NLRP12: variants seen among roughly 807,000 people sequenced by gnomAD.
NLRP12 encodes the protein NACHT, LRR and PYD domains-containing protein 12.
NLRP12 carries 108 observed loss-of-function variants against 91.2 expected under a neutral mutation model. The observed-to-expected ratio is 1.18, with a 90% CI of 1.01 to 1.39. The LOEUF (loss-of-function observed/expected upper bound fraction) is 1.39, where lower values mean the gene tolerates loss of function less well. Ranked by LOEUF, NLRP12 falls within the 40% of genes most tolerant of loss-of-function variation. The pLI is 0.00. For missense variants in NLRP12, 1,530 were observed against 1,352.7 expected (o/e 1.13, Z -2.06); for synonymous variants, 613 against 566.7 (o/e 1.08, Z -1.16).
At chr19:53,794,705 T>G (rs186755180) in intron 9 of NLRP12, among the ~76,000 whole-genome samples, 66 of 149,484 alleles carry the variant, frequency 4.4e-4, no homozygotes, top group Middle Eastern at 7.2e-3. Flanking sequence ...CTTGCTCTGT[T>G]GCCCAGGCTA....
intron 3 of NLRP12, chr19:53,807,949 C>T (rs566882728): frequency 2.4e-4 from 99 of 404,456 alleles, no homozygotes; most frequent in African/African-American, 1.9e-3. Flanking sequence ...GGGGTTTCAC[C>T]GTGTTGGCCA....
chr19:53,815,251 C>G (rs1201229313), intron 1 of NLRP12, among the ~76,000 whole-genome samples: 3 of 82,290 alleles, frequency 3.6e-5, no homozygotes, highest in Non-Finnish European at 7.0e-5. Context: ...TTTTTTGAGA[C>G]GGAGTCTTGC....
chr19:53,809,775 C>A lies in NLRP12; in HGVS notation c.1884G>T (p.Gln628His), dbSNP rs745947638. The A allele has an allele frequency of 3.1e-6, 5 of 1,613,984 alleles. No individual in the cohort carries two copies. The highest frequency in any genetic ancestry group is 4.2e-6 in the Non-Finnish European group (5 of 1,180,040). The change falls in exon 3 of 10, where the codon CAG becomes CAT. Residue 628 changes from glutamine to histidine, a missense_variant. Physicochemically the swap from Gln to His is conservative, Grantham distance 24 (BLOSUM62 0). Transcript: ENST00000324134. ...YEIQEEEFIQQALSHFQVIVV... is the reference protein window; with the variant it reads ...YEIQEEEFIQHALSHFQVIVV... ...CGATCACCTGGAAGTGGCTCAGGGC[C>A]TGCTGGATAAACTCCTCCTCCTGGA...
chr19:53,801,929 C>T (rs769296751), intron 6 of NLRP12, among the ~76,000 whole-genome samples: 4 of 151,800 alleles, frequency 2.6e-5, no homozygotes, highest in Non-Finnish European at 4.4e-5. Context: ...CCCCTCTCTA[C>T]TAATAATACA....
At chr19:53,819,451 ATATATATGTGTG>A (rs1237334274) in intron 1 of NLRP12, among the ~76,000 whole-genome samples, 2 of 10,728 alleles carry the variant, frequency 1.9e-4, no homozygotes, top group Non-Finnish European at 4.4e-4. Flanking sequence ...ATATATATAT[ATATATATGTGTG>A]TGTGTGTGTG....
chr19:53,802,144 T>G (rs148800371), intron 6 of NLRP12, among the ~76,000 whole-genome samples: 28,720 of 151,336 alleles, frequency 0.19, 2,828 homozygotes, highest in East Asian at 0.28. Flanking sequence ...GGAGAATCAC[T>G]TGAACCCAGG....
At chr19:53,817,127 T>G (rs566693032) in intron 1 of NLRP12, among the ~76,000 whole-genome samples, 1 of 150,654 alleles carries the variant, frequency 6.6e-6, no homozygotes, top group East Asian at 2.1e-4. Flanking sequence ...CCGTCTCTAC[T>G]AAAAATACAA....
chr19:53,809,760 G>T lies in NLRP12; in HGVS notation c.1899C>A (p.Phe633Leu). 1 of 1,614,154 alleles carries T rather than the reference G, an allele frequency of 6.2e-7. No individual in the cohort carries two copies. The highest frequency in any genetic ancestry group is 1.1e-5 in the South Asian group (1 of 91,090). ...CAATGTTGCTGACCACGATCACCTG[G>T]AAGTGGCTCAGGGCCTGCTGGATAA... ...EEFIQQALSH[F>L]QVIVVSNIAS... Residue 633 changes from phenylalanine (F) to leucine (L), a missense_variant, in exon 3 of 10, where the codon TTC becomes TTA. Physicochemically the swap from Phe to Leu is conservative, Grantham distance 22 (BLOSUM62 0). Transcript: ENST00000324134.
chr19:53,816,747 G>A (rs1327545054), intron 1 of NLRP12, among the ~76,000 whole-genome samples: 1 of 151,290 alleles, frequency 6.6e-6, no homozygotes, highest in African/African-American at 2.4e-5. Flanking sequence ...TGACCATGTT[G>A]GCCAGGCTGG....
Position 53,809,991 on chromosome 19 carries a change from C to T in NLRP12, c.1668G>A (p.Leu556=), listed in dbSNP as rs972041392. 9 of 1,614,076 alleles carry T rather than the reference C, an allele frequency of 5.6e-6. No homozygotes were observed. The highest frequency in any genetic ancestry group is 7.6e-6 in the Non-Finnish European group (9 of 1,180,036). The change falls in exon 3 of 10, where the codon CTG becomes CTA. Residue 556 remains leucine, a synonymous_variant. Transcript: ENST00000324134. The stretch of plus-strand genomic sequence containing the variant: ...CAAACAGGAAGCGGCTGGTGAGTGC[C>T]AGGAAGCTCCTTTCAGAAAACGCGT... The part of the protein sequence containing the change: ...TEYAFSERSF[L]ALTSRFLFGL...
intron 7 of NLRP12, among the ~76,000 whole-genome samples, chr19:53,799,972 T>C (rs1042980313): frequency 1.7e-4 from 26 of 152,062 alleles, no homozygotes; most frequent in Non-Finnish European, 3.2e-4. Context: ...GACACCAGCC[T>C]AGGCAACAAA....
intron 3 of NLRP12, 62 bp downstream of exon 3, chr19:53,809,525 A>AAC: frequency 8.3e-7 from 1 of 1,200,222 alleles, no homozygotes; most frequent in Non-Finnish European, 1.1e-6. Flanking sequence ...AGCAAAAAAA[A>AAC]AAAAAAAAAA....
chr19:53,823,556 T>C lies in NLRP12; in HGVS notation c.289+330A>G, dbSNP rs375543022. Among the ~76,000 whole-genome samples the C allele has an allele frequency of 4.5e-4, 58 of 128,038 alleles. 1 individual carries two copies. The East Asian group carries it at 7.8e-3, about 17-fold the overall frequency. The allele number at this position is 128,038 out of a possible 152,430, so 84.0% of individuals were successfully genotyped here. Reference sequence around the variant, plus strand: ...ATATATATATTTTAAAAAAATATATTTTAAATATTTGAGGCAAGGTCTCGT... The same window carrying C: ...ATATATATATTTTAAAAAAATATATCTTAAATATTTGAGGCAAGGTCTCGT... On this transcript the variant is annotated intron_variant, in intron 1 of 9. Coordinates refer to ENST00000324134, the MANE Select transcript of NLRP12 (RefSeq NM_144687.4).
chr19:53,811,366 T>C, intron 2 of NLRP12, 78 bp from the exon 3 acceptor site: 2 of 1,540,180 alleles, frequency 1.3e-6, no homozygotes, highest in Non-Finnish European at 1.8e-6. Flanking sequence ...GCGCTCCTCA[T>C]GTGGCTCAAA....
In NLRP12 at chr19:53,811,295, G is replaced by T. The variant is rs775041962; in HGVS notation, c.371-7C>A. On this transcript the variant is annotated splice_region_variant and splice_polypyrimidine_tract_variant and intron_variant, in intron 2 of 9. Transcript: ENST00000324134. ...CTGTAGGTTTCCTGGGGATCTAGGG[G>T]AGAGGAATGAAGGTTTTGTGGAAGA... 22 of 1,613,482 alleles carry T rather than the reference G, an allele frequency of 1.4e-5. No homozygotes were observed. The highest frequency in any genetic ancestry group is 1.2e-4 in the African/African-American group (9 of 74,910).
At chr19:53,795,099 G>C (rs945778115) in intron 9 of NLRP12, among the ~76,000 whole-genome samples, 1 of 133,398 alleles carries the variant, frequency 7.5e-6, no homozygotes, top group Admixed American at 7.8e-5. Context: ...CACCATACCT[G>C]GTGTGTGCGT....
intron 2 of NLRP12, 60 bp from the exon 3 acceptor site, chr19:53,811,348 G>A (rs2092073266): frequency 2.5e-6 from 4 of 1,586,716 alleles, no homozygotes; most frequent in African/African-American, 2.7e-5. Context: ...ATGAGTTCAC[G>A]AGGTAAAGCG....
chr19:53,809,812 C>A lies in NLRP12; in HGVS notation c.1847G>T (p.Cys616Phe), dbSNP rs1413372782. The A allele has an allele frequency of 6.2e-7, 1 of 1,614,110 alleles. No homozygotes were observed. The highest frequency in any genetic ancestry group is 1.7e-5 in the Admixed American group (1 of 59,994). Residue 616 changes from cysteine to phenylalanine, a missense_variant, in exon 3 of 10, where the codon TGC (cysteine) becomes TTC (phenylalanine). Coordinates refer to ENST00000324134, the MANE Select transcript of NLRP12 (RefSeq NM_144687.4). ...LQQGSLEFFS[C>F]LYEIQEEEFI... ...CTCCTCCTCCTGGATCTCGTACAAG[C>A]AGCTGAAGAACTCCAAGGAGCCCTG...
At position 53,809,682 on chromosome 19, in the gene NLRP12, G is replaced by A. The variant is rs1176033322; in HGVS notation, c.1977C>T (p.Ser659=). The change falls in exon 3 of 10, where the codon AGC becomes AGT. Residue 659 remains serine, a synonymous_variant. Transcript: ENST00000324134. ...VSSFCLKRCR[S]AQVLHLYGAT... The stretch of plus-strand genomic sequence containing the variant: ...CGCCATACAAGTGCAGCACCTGGGC[G>A]CTCCTGCAGCGCTTCAGACAGAACG... 18 of 1,613,964 alleles carry A rather than the reference G, an allele frequency of 1.1e-5. No individual in the cohort carries two copies. The East Asian group carries it at 3.1e-4, about 28-fold the overall frequency.
Sources: gnomAD v4.1 joint callset for allele counts (sites outside exome capture counted in the v4.1 genomes callset) on GRCh38, gnomAD v4.1.1 for gene constraint, MANE v1.5 for transcripts, NCBI Gene and HGNC (gene_info 2026-07-23, HGNC 2026-07-21) for gene names.